MACROD1: variants seen among roughly 807,000 people sequenced by gnomAD.
MACROD1 encodes mono-ADP ribosylhydrolase 1.
MACROD1 carries 31 observed loss-of-function variants against 41.4 expected under a neutral mutation model. The observed-to-expected ratio is 0.75, with a 90% confidence interval of 0.56 to 1.01. The LOEUF (loss-of-function observed/expected upper bound fraction) is 1.01, where lower values mean the gene tolerates loss of function less well. MACROD1 is among the 50% of genes least tolerant of loss of function. The probability of loss-of-function intolerance (pLI) is 0.00; values close to 1 mark genes in which losing one functional copy is unlikely to be tolerated. For synonymous variants in MACROD1, 252 were observed against 203.4 expected (o/e 1.24, Z -2.03); for missense variants, 473 against 460.0 (o/e 1.03, Z -0.26).
At chr11:64,135,939 G>A (rs1249712812) in intron 3 of MACROD1, among the ~76,000 whole-genome samples, 3 of 152,174 alleles carry the variant, frequency 2.0e-5, no homozygotes, top group South Asian at 2.1e-4. Flanking sequence ...GCAGCTTCCC[G>A]GCTGGTCCAA....
chr11:64,063,567 A>G (rs1332725792), intron 3 of MACROD1, among the ~76,000 whole-genome samples: 1 of 152,292 alleles, frequency 6.6e-6, no homozygotes, highest in East Asian at 1.9e-4. Context: ...GCAACCTTCA[A>G]TGCGGCCTCT....
At chr11:64,164,774 T>C (rs528597995) in intron 1 of MACROD1, among the ~76,000 whole-genome samples, 97 of 150,326 alleles carry the variant, frequency 6.5e-4, no homozygotes, top group Admixed American at 1.2e-3. Context: ...CCCAGCCAAT[T>C]AGCCACTTCC....
intron 3 of MACROD1, among the ~76,000 whole-genome samples, chr11:64,128,585 C>A (rs183770937): frequency 6.6e-6 from 1 of 151,994 alleles, no homozygotes; most frequent in African/African-American, 2.4e-5. Flanking sequence ...TCCACTTCTG[C>A]GCCCCACTCA....
intron 3 of MACROD1, among the ~76,000 whole-genome samples, chr11:64,055,790 A>T (rs910269447): frequency 6.6e-6 from 1 of 152,048 alleles, no homozygotes; most frequent in African/African-American, 2.4e-5. Context: ...TTTCATACAG[A>T]GGATGCTGGT....
In MACROD1 at chr11:64,120,683, C is replaced by CA. The variant is rs544739061; in HGVS notation, c.517+30555dup. Among the ~76,000 whole-genome samples, 87 of 143,500 alleles carry CA rather than the reference C, an allele frequency of 6.1e-4. No individual in the cohort carries two copies. The highest frequency in any genetic ancestry group is 1.5e-3 in the Admixed American group (22 of 14,450). 94.1% of individuals were successfully genotyped at this position (143,500 alleles called of 152,430 possible). ...CTGGGCAAAGAGTGAGACTCCATCT[C>CA]AAAAAAAAAAAAGTAGGCCCTCCCA... On this transcript the variant is annotated intron_variant, in intron 3 of 10. Coordinates refer to ENST00000255681, the MANE Select transcript of MACROD1 (RefSeq NM_014067.4). This position sits in a 1 kb window ranked among gnomAD's most constrained non-coding sequence, Gnocchi z 4.5.
chr11:64,083,592 G>A (rs950056938), intron 3 of MACROD1, among the ~76,000 whole-genome samples: 2 of 152,098 alleles, frequency 1.3e-5, no homozygotes, highest in Admixed American at 6.5e-5. Context: ...AAATCCTTTC[G>A]AGAACGAGCC....
intron 3 of MACROD1, among the ~76,000 whole-genome samples, chr11:64,093,297 G>A (rs1320804252): frequency 6.6e-6 from 1 of 152,140 alleles, no homozygotes; most frequent in African/African-American, 2.4e-5. Flanking sequence ...GAACTCGATC[G>A]AGTCAGCTGC....
intron 3 of MACROD1, among the ~76,000 whole-genome samples, chr11:64,017,926 C>T (rs1398494784): frequency 6.6e-6 from 1 of 152,224 alleles, no homozygotes; most frequent in African/African-American, 2.4e-5. Context: ...GTTCTGCAGT[C>T]CCCTGTGGGA....
chr11:64,089,588 T>C (rs748364130), intron 3 of MACROD1, among the ~76,000 whole-genome samples: 9 of 152,162 alleles, frequency 5.9e-5, no homozygotes, highest in Non-Finnish European at 1.0e-4. Context: ...AGAAAGCGGC[T>C]GAAAACTTGG....
intron 1 of MACROD1, among the ~76,000 whole-genome samples, chr11:64,155,013 C>T (rs1437365261): frequency 2.6e-5 from 4 of 152,334 alleles, no homozygotes; most frequent in South Asian, 2.1e-4. Context: ...GCCACGGCGC[C>T]GGCCCCCTTT....
At position 64,165,826 on chromosome 11, in the gene MACROD1, T is replaced by C; in HGVS notation, c.169A>G (p.Thr57Ala). The C allele has an allele frequency of 1.4e-6, 2 of 1,480,194 alleles. No homozygotes were observed. Among genetic ancestry groups the C allele is most frequent in the Non-Finnish European group, 1.8e-6 (2 of 1,116,910 alleles). The allele number at this position is 1,480,194 out of a possible 1,614,324, so 91.7% of individuals were successfully genotyped here. The change falls in exon 1 of 11, where the codon ACC (threonine) becomes GCC (alanine). Residue 57 changes from threonine (T) to alanine (A), a missense_variant. By Grantham distance (58) the Thr-to-Ala change is moderately conservative. Transcript: ENST00000255681. ...CCCCACGCCCCAACTCCCGCCGAGG[T>C]CCGCGCACGGCGGCCGAACACGCCC... ...FLGVFGRRAR[T>A]SAGVGAWGAA...
chr11:64,024,102 A>G (rs544280483), intron 3 of MACROD1, among the ~76,000 whole-genome samples: 5 of 152,218 alleles, frequency 3.3e-5, no homozygotes, highest in African/African-American at 1.2e-4. Flanking sequence ...CTATTTTCCT[A>G]AGTAAAAAAT....
In MACROD1 at chr11:63,999,723, G is replaced by A. The variant is rs1475147907; in HGVS notation, c.705C>T (p.Pro235=). ...GGAGCTCGGCAGCCTGACTGGCGCT[G>A]GGCTCCCCGTAGGCGATGGGCCCCA... ...HTVGPIAYGE[P]SASQAAELRS... Residue 235 remains proline (P), a synonymous_variant, in exon 6 of 11, where the codon CCC becomes CCT. Transcript: ENST00000255681. The A allele has an allele frequency of 6.2e-7, 1 of 1,608,116 alleles. No homozygotes were observed. Among genetic ancestry groups the A allele is most frequent in the Non-Finnish European group, 8.5e-7 (1 of 1,179,396 alleles).
rs535997885 is a variant in MACROD1 at position 64,065,677 on chromosome 11, C to G, written c.518-50396G>C. 2.0e-5 allele frequency among the ~76,000 whole-genome samples: 3 copies of G among 151,622 alleles called. No individual in the cohort carries two copies. In the East Asian group the frequency reaches 5.9e-4, roughly 30 times the overall value. On this transcript the variant is annotated intron_variant, in intron 3 of 10. Transcript: ENST00000255681. ...TGGTGGCGGCCGCCTGTAGTCCCAG[C>G]TACTTGGGAGGCTGAGGCAGGAGAA...
At chr11:64,118,112 C>A in intron 3 of MACROD1, 1 of 1,611,370 alleles carries the variant, frequency 6.2e-7, no homozygotes, top group Non-Finnish European at 8.5e-7. Flanking sequence ...TGGAAATCCG[C>A]GGCCCTGGGC....
chr11:64,087,729 C>T (rs562311737), intron 3 of MACROD1, among the ~76,000 whole-genome samples: 69 of 152,352 alleles, frequency 4.5e-4, no homozygotes, highest in Admixed American at 1.6e-3. Flanking sequence ...CTTGTGGTCC[C>T]TCACCCTGTC....
chr11:64,093,199 G>A lies in MACROD1; in HGVS notation c.517+58040C>T, dbSNP rs545382154. ...GCGACGTGTGAATAGTGTCTGCCTCGGACACAACACAGGGCGGCCACTACT... is the reference window on the plus strand; with the variant it reads ...GCGACGTGTGAATAGTGTCTGCCTCAGACACAACACAGGGCGGCCACTACT... On this transcript the variant is annotated intron_variant, in intron 3 of 10. Coordinates refer to ENST00000255681, the MANE Select transcript of MACROD1 (RefSeq NM_014067.4). Among the ~76,000 whole-genome samples, 7 of 152,256 alleles carry A rather than the reference G, an allele frequency of 4.6e-5. No individual in the cohort carries two copies. The South Asian group carries it at 1.5e-3, about 32-fold the overall frequency.
chr11:64,033,691 A>C (rs1943323213), intron 3 of MACROD1, among the ~76,000 whole-genome samples: 1 of 151,924 alleles, frequency 6.6e-6, no homozygotes, highest in Non-Finnish European at 1.5e-5. Flanking sequence ...AAATACAAAA[A>C]TTAGCCAGGC....
chr11:64,114,663 G>A (rs1944942366), intron 3 of MACROD1, among the ~76,000 whole-genome samples: 1 of 148,964 alleles, frequency 6.7e-6, no homozygotes. Context: ...GAATGGACAG[G>A]TGGATAGATG....
Sources: gnomAD v4.1 joint callset for allele counts (sites outside exome capture counted in the v4.1 genomes callset) on GRCh38, gnomAD v4.1.1 for gene constraint, Gnocchi (gnomAD v3.1) non-coding constraint, MANE v1.5 for transcripts, NCBI Gene and HGNC (gene_info 2026-07-23, HGNC 2026-07-21) for gene names.